SLC9A9: variants seen among roughly 807,000 people sequenced by gnomAD.
SLC9A9 encodes the protein sodium/hydrogen exchanger 9.
A neutral mutation model predicts 77.8 loss-of-function variants in SLC9A9; 62 were observed. That is an observed-to-expected ratio of 0.80 (90% CI 0.65 to 0.98). The LOEUF is 0.98. SLC9A9 is among the 50% of genes least tolerant of loss of function. The pLI is 0.00. For synonymous variants in SLC9A9, 320 were observed against 283.5 expected (o/e 1.13, Z -1.29); for missense variants, 775 against 774.9 (o/e 1.00, Z 0.00).
chr3:143,464,174 T>C (rs962521883), intron 12 of SLC9A9, among the ~76,000 whole-genome samples: 2 of 152,220 alleles, frequency 1.3e-5, no homozygotes, highest in African/African-American at 4.8e-5. Context: ...TCTCCATTTG[T>C]GTGATTTTAT....
intron 12 of SLC9A9, among the ~76,000 whole-genome samples, chr3:143,391,810 G>A (rs1347904095): frequency 2.0e-5 from 3 of 152,196 alleles, no homozygotes; most frequent in Non-Finnish European, 4.4e-5. Flanking sequence ...GAATGCACAA[G>A]CTTCAGTAGC....
chr3:143,543,139 C>G (rs941214278), intron 9 of SLC9A9, among the ~76,000 whole-genome samples: 3 of 152,212 alleles, frequency 2.0e-5, no homozygotes, highest in East Asian at 1.9e-4. Flanking sequence ...ATCATTATCT[C>G]TATGCCTAAA....
chr3:143,780,273 T>C (rs1243164112), intron 4 of SLC9A9, among the ~76,000 whole-genome samples: 2 of 152,224 alleles, frequency 1.3e-5, no homozygotes, highest in South Asian at 2.1e-4. Context: ...ACAAATAGCA[T>C]GTAAGACCAG....
At chr3:143,400,273 A>G (rs1390449842) in intron 12 of SLC9A9, among the ~76,000 whole-genome samples, 1 of 152,208 alleles carries the variant, frequency 6.6e-6, no homozygotes, top group African/African-American at 2.4e-5. Context: ...AAAATTCAAA[A>G]GAGTATTTTG....
intron 12 of SLC9A9, among the ~76,000 whole-genome samples, chr3:143,418,640 G>A (rs1004711477): frequency 6.6e-6 from 1 of 152,148 alleles, no homozygotes; most frequent in South Asian, 2.1e-4. Context: ...AGAAGTGGCT[G>A]TGGTTGGTTT....
At chr3:143,409,163 T>C (rs1395784316) in intron 12 of SLC9A9, among the ~76,000 whole-genome samples, 1 of 152,228 alleles carries the variant, frequency 6.6e-6, no homozygotes, top group Non-Finnish European at 1.5e-5. Context: ...CCATATTCAG[T>C]TACCACCACT....
intron 12 of SLC9A9, among the ~76,000 whole-genome samples, chr3:143,449,965 T>C (rs1389601679): frequency 1.7e-4 from 10 of 58,464 alleles, no homozygotes; most frequent in Non-Finnish European, 2.3e-4. Flanking sequence ...TTATATAATA[T>C]ATATAATATA....
chr3:143,323,051 T>A (rs923403445), intron 14 of SLC9A9, among the ~76,000 whole-genome samples: 1 of 151,938 alleles, frequency 6.6e-6, no homozygotes, highest in Non-Finnish European at 1.5e-5. Context: ...CCAGGCAGAG[T>A]GGCTGTTATT....
chr3:143,424,118 A>G (rs1261500548), intron 12 of SLC9A9, among the ~76,000 whole-genome samples: 7 of 152,156 alleles, frequency 4.6e-5, no homozygotes, highest in African/African-American at 1.7e-4. Flanking sequence ...CTGAGTGAAC[A>G]TGTGAAACCT....
chr3:143,694,984 G>T (rs985061909), intron 4 of SLC9A9, among the ~76,000 whole-genome samples: 1 of 152,042 alleles, frequency 6.6e-6, no homozygotes, highest in Non-Finnish European at 1.5e-5. Context: ...CAGGCTGAAG[G>T]TATTAAATAT....
At chr3:143,464,102 C>T (rs1465170292) in intron 12 of SLC9A9, among the ~76,000 whole-genome samples, 1 of 152,188 alleles carries the variant, frequency 6.6e-6, no homozygotes, top group Admixed American at 6.5e-5. Flanking sequence ...AAACAAATCA[C>T]ATTCCAATTG....
Position 143,815,981 on chromosome 3 carries a change from G to A in SLC9A9, c.378+16038C>T, listed in dbSNP as rs75591468. Reference sequence around the variant, plus strand: ...CAAATTTGTTCAGAGGCAGCACCAAGCTTGGAAATCTAAACCAGAGATGTT... The same window carrying A: ...CAAATTTGTTCAGAGGCAGCACCAAACTTGGAAATCTAAACCAGAGATGTT... On this transcript the variant is annotated intron_variant, in intron 2 of 15. Transcript: ENST00000316549. Among the ~76,000 whole-genome samples, 1,064 of 152,276 alleles carry A rather than the reference G, an allele frequency of 7.0e-3. 12 individuals carry two copies. Among genetic ancestry groups the A allele is most frequent in the African/African-American group, 0.024 (1,010 of 41,546 alleles).
At chr3:143,815,212 T>C (rs1164966046) in intron 2 of SLC9A9, among the ~76,000 whole-genome samples, 1 of 152,196 alleles carries the variant, frequency 6.6e-6, no homozygotes, top group East Asian at 1.9e-4. Flanking sequence ...CATTCAAATC[T>C]GTGGACTGGC....
Position 143,731,671 on chromosome 3 carries a change from T to G in SLC9A9, c.534-38364A>C, listed in dbSNP as rs187376275. On this transcript the variant is annotated intron_variant, in intron 4 of 15. Coordinates refer to ENST00000316549, the MANE Select transcript of SLC9A9 (RefSeq NM_173653.4). ...TTCTCTTAAGATGTGACAAAGTGAC[T>G]CTTGCTACATTCCTGACCCAGGATA... 2.6e-5 allele frequency among the ~76,000 whole-genome samples: 4 copies of G among 152,354 alleles called. No homozygotes were observed. In the East Asian group the frequency reaches 5.8e-4, roughly 22 times the overall value.
At chr3:143,344,524 A>G (rs2032203256) in intron 14 of SLC9A9, 2 of 152,234 alleles carry the variant, frequency 1.3e-5, no homozygotes, top group Admixed American at 1.3e-4. Flanking sequence ...ACAAAATTTT[A>G]TGATGAGAAA....
At chr3:143,752,358 T>C (rs1262426592) in intron 4 of SLC9A9, among the ~76,000 whole-genome samples, 1 of 152,140 alleles carries the variant, frequency 6.6e-6, no homozygotes, top group Non-Finnish European at 1.5e-5. Context: ...GCCTAGTAAG[T>C]CTCCAGATGA....
intron 2 of SLC9A9, among the ~76,000 whole-genome samples, chr3:143,805,452 T>C (rs2008685214): frequency 6.6e-6 from 1 of 152,198 alleles, no homozygotes; most frequent in African/African-American, 2.4e-5. Flanking sequence ...ATGTTATTTT[T>C]CTTATTAATA....
intron 12 of SLC9A9, among the ~76,000 whole-genome samples, chr3:143,432,277 A>G (rs1017270551): frequency 5.9e-5 from 9 of 152,122 alleles, no homozygotes; most frequent in Admixed American, 5.9e-4. Context: ...GGTAATTACT[A>G]TGTTCTAAAC....
chr3:143,791,230 AG>A (rs2008214566), intron 4 of SLC9A9, among the ~76,000 whole-genome samples: 1 of 152,248 alleles, frequency 6.6e-6, no homozygotes, highest in Non-Finnish European at 1.5e-5. Context: ...AAATAAAAAA[AG>A]GTTTCTTCAA....
Sources: gnomAD v4.1 joint callset for allele counts (sites outside exome capture counted in the v4.1 genomes callset) on GRCh38, gnomAD v4.1.1 for gene constraint, MANE v1.5 for transcripts, NCBI Gene and HGNC (gene_info 2026-07-23, HGNC 2026-07-21) for gene names.